Variants in ZBTB7C observed in about 807,000 individuals in gnomAD.
The protein encoded by ZBTB7C is zinc finger and BTB domain-containing protein 7C.
In ZBTB7C, 8 loss-of-function variants were observed where a neutral mutation model predicts 25.7. The ratio of observed to expected loss-of-function variants is 0.31; its 90% CI spans 0.18 to 0.56. The LOEUF (loss-of-function observed/expected upper bound fraction) is 0.56, where lower values mean the gene tolerates loss of function less well. Among genes scored for constraint, ZBTB7C ranks in the 20% least tolerant of loss-of-function variants. The probability of loss-of-function intolerance (pLI) is 0.91; values close to 1 mark genes in which losing one functional copy is unlikely to be tolerated. For synonymous variants in ZBTB7C, 394 were observed against 369.0 expected, an observed-to-expected ratio of 1.07 and a Z score of -0.78; for missense variants, 824 against 855.2, an observed-to-expected ratio of 0.96 and a Z score of 0.46.
In ZBTB7C at chr18:48,369,852, G is replaced by T. The variant is rs553454360; in HGVS notation, c.-303-31454C>A. The stretch of plus-strand genomic sequence containing the variant: ...AATTAATAAAACAACTAGACAATCA[G>T]CAAGCATACAGAATAACCCAACAAC... On this transcript the variant is annotated intron_variant, in intron 1 of 4. Transcript: ENST00000590800. 2.4e-4 allele frequency among the ~76,000 whole-genome samples: 36 copies of T among 152,224 alleles called. No individual in the cohort carries two copies. The South Asian group carries it at 7.3e-3, about 31-fold the overall frequency.
At chr18:48,323,672 G>A (rs79733766) in intron 2 of ZBTB7C, among the ~76,000 whole-genome samples, 1 of 152,300 alleles carries the variant, frequency 6.6e-6, no homozygotes, top group African/African-American at 2.4e-5. Flanking sequence ...TTAGGACACA[G>A]CTTGCTCATA....
intron 3 of ZBTB7C, among the ~76,000 whole-genome samples, chr18:48,102,955 T>C (rs911402704): frequency 6.6e-6 from 1 of 151,584 alleles, no homozygotes; most frequent in East Asian, 1.9e-4. Flanking sequence ...CAGAATTCAA[T>C]TCAACTGATG....
Position 48,105,569 on chromosome 18 carries a change from G to C in ZBTB7C, c.-16-64446C>G, listed in dbSNP as rs532724858. On this transcript the variant is annotated intron_variant, in intron 3 of 4. Transcript: ENST00000590800. Reference sequence around the variant, plus strand: ...ATATACTTTCCAAATGCCCCTGGAGGGGGTACTGCTCCAGGGAGTGAGGGG... The same window carrying C: ...ATATACTTTCCAAATGCCCCTGGAGCGGGTACTGCTCCAGGGAGTGAGGGG... Among the ~76,000 whole-genome samples the C allele has an allele frequency of 2.3e-3, 357 of 152,248 alleles. 1 individual carries two copies. The highest frequency in any genetic ancestry group is 4.0e-3 in the Non-Finnish European group (273 of 68,018).
intron 3 of ZBTB7C, among the ~76,000 whole-genome samples, chr18:48,158,473 C>T (rs2144932509): frequency 6.6e-6 from 1 of 152,182 alleles, no homozygotes; most frequent in South Asian, 2.1e-4. Flanking sequence ...ACTTCTCCCT[C>T]CCTGGTCCTT....
intron 3 of ZBTB7C, among the ~76,000 whole-genome samples, chr18:48,067,145 C>T (rs1427331972): frequency 6.6e-6 from 1 of 152,118 alleles, no homozygotes; most frequent in Admixed American, 6.6e-5. Context: ...CTCTATAGCT[C>T]TATAGCTCTA....
chr18:48,391,052 A>G (rs1255318806), intron 1 of ZBTB7C, among the ~76,000 whole-genome samples: 1 of 151,878 alleles, frequency 6.6e-6, no homozygotes, highest in East Asian at 1.9e-4. Context: ...ATGGCTTAAA[A>G]CCTCCAAGTT....
chr18:48,354,460 T>C (rs1039639482), intron 1 of ZBTB7C, among the ~76,000 whole-genome samples: 1 of 152,136 alleles, frequency 6.6e-6, no homozygotes, highest in South Asian at 2.1e-4. Flanking sequence ...ATGGACAAAC[T>C]TGACTTGGAA....
rs768749896 is a variant in ZBTB7C at position 48,040,422 on chromosome 18, G to C, written c.686C>G (p.Ser229Cys). 1 of 1,609,476 alleles carries C rather than the reference G, an allele frequency of 6.2e-7. No individual in the cohort carries two copies. The highest frequency in any genetic ancestry group is 1.1e-5 in the South Asian group (1 of 90,302). Residue 229 changes from serine (S) to cysteine (C), a missense_variant, in exon 4 of 5, where the codon TCT (serine) becomes TGT (cysteine). Ser to Cys is a moderately radical substitution (Grantham distance 112, BLOSUM62 -1). Transcript: ENST00000590800. ...GGGGTACAGGTTCTCCCTTAGCAGA[G>C]ATTCGATGGAGAAGTCCCGGATCAC... ...LGVIRDFSIESLLRENLYPKA... is the reference protein window; with the variant it reads ...LGVIRDFSIECLLRENLYPKA...
intron 2 of ZBTB7C, among the ~76,000 whole-genome samples, chr18:48,274,414 C>T (rs564774142): frequency 2.0e-5 from 3 of 152,106 alleles, no homozygotes; most frequent in Non-Finnish European, 4.4e-5. Context: ...GCACTATGTC[C>T]ACCCTAACCT....
chr18:48,190,992 G>C (rs1012361200), intron 2 of ZBTB7C, among the ~76,000 whole-genome samples: 1 of 152,162 alleles, frequency 6.6e-6, no homozygotes, highest in Non-Finnish European at 1.5e-5. Context: ...TCCCATGCTT[G>C]GGGGAGTCGT....
intron 2 of ZBTB7C, among the ~76,000 whole-genome samples, chr18:48,282,196 TA>T (rs201405600): frequency 0.031 from 4,551 of 149,104 alleles, 110 homozygotes; most frequent in African/African-American, 0.068. Context: ...TCATTCTCAG[TA>T]AACTATCGCA....
intron 2 of ZBTB7C, among the ~76,000 whole-genome samples, chr18:48,312,358 G>A (rs556858837): frequency 1.3e-5 from 2 of 152,264 alleles, no homozygotes; most frequent in East Asian, 3.9e-4. Flanking sequence ...GGCCTTTGCT[G>A]GCCACCCCAC....
chr18:48,111,268 C>T (rs907995511), intron 3 of ZBTB7C, among the ~76,000 whole-genome samples: 3 of 151,956 alleles, frequency 2.0e-5, no homozygotes, highest in South Asian at 4.2e-4. Flanking sequence ...TGATTTGAGT[C>T]GGAATAAAAA....
intron 3 of ZBTB7C, among the ~76,000 whole-genome samples, chr18:48,141,153 C>CA (rs1555699063): frequency 1.3e-5 from 2 of 148,686 alleles, no homozygotes; most frequent in Non-Finnish European, 3.0e-5. Flanking sequence ...ACCACCCCCC[C>CA]CACTGTTCCT....
chr18:48,034,999 C>G (rs538445223), intron 4 of ZBTB7C, among the ~76,000 whole-genome samples: 27 of 152,322 alleles, frequency 1.8e-4, no homozygotes, highest in African/African-American at 6.5e-4. Context: ...TGGTTTGAGA[C>G]ACACTCTTCC....
intron 4 of ZBTB7C, among the ~76,000 whole-genome samples, chr18:48,030,167 G>A (rs376112027): frequency 5.3e-5 from 8 of 152,232 alleles, no homozygotes; most frequent in African/African-American, 1.7e-4. Context: ...TTATACCCGA[G>A]CTCAGAGTCA....
In ZBTB7C at chr18:48,338,837, C is replaced by G. The variant is rs139080007; in HGVS notation, c.-303-439G>C. Among the ~76,000 whole-genome samples, 4 of 150,682 alleles carry G rather than the reference C, an allele frequency of 2.7e-5. No homozygotes were observed. The Admixed American group carries it at 2.7e-4, about 10-fold the overall frequency. ...AGATGTATATAGAAGTGCAAGGACA[C>G]GTTTATGTGGAACATTCCTTAACTC... On this transcript the variant is annotated intron_variant, in intron 1 of 4. Transcript: ENST00000590800.
intron 2 of ZBTB7C, among the ~76,000 whole-genome samples, chr18:48,322,157 A>G (rs1422186295): frequency 6.6e-6 from 1 of 152,134 alleles, no homozygotes; most frequent in Admixed American, 6.5e-5. Context: ...GGCCTTCATC[A>G]GATTAGTTTC....
At chr18:48,340,351 C>G (rs1453668299) in intron 1 of ZBTB7C, among the ~76,000 whole-genome samples, 3 of 152,214 alleles carry the variant, frequency 2.0e-5, no homozygotes, top group African/African-American at 7.2e-5. Flanking sequence ...AGCCATGTAG[C>G]TCAGTGCAGC....
Sources: allele counts gnomAD v4.1 joint callset (sites outside exome capture counted in the v4.1 genomes callset), GRCh38; gene constraint gnomAD v4.1.1; transcripts MANE v1.5; gene names NCBI Gene and HGNC (gene_info 2026-07-23, HGNC 2026-07-21).